Variants in LINGO2 observed in about 807,000 individuals in gnomAD.
LINGO2 encodes leucine-rich repeat and immunoglobulin-like domain-containing nogo receptor-interacting protein 2.
Under a neutral mutation model 30.6 loss-of-function variants are expected in LINGO2, and 14 were observed. That is an observed-to-expected ratio of 0.46 (90% CI 0.30 to 0.72). The LOEUF is 0.72. LINGO2 is among the 30% of genes least tolerant of loss of function. The probability of loss-of-function intolerance (pLI) is 0.07; values close to 1 mark genes in which losing one functional copy is unlikely to be tolerated. For missense variants in LINGO2, 729 were observed against 751.7 expected (o/e 0.97, Z 0.35); for synonymous variants, 317 against 288.5 (o/e 1.10, Z -1.00).
intron 4 of LINGO2, among the ~76,000 whole-genome samples, chr9:28,281,001 G>A (rs569229433): frequency 1.3e-5 from 2 of 152,176 alleles, no homozygotes; most frequent in South Asian, 4.1e-4. Context: ...TATTTATTAT[G>A]ATCATTTGTA....
intron 2 of LINGO2, among the ~76,000 whole-genome samples, chr9:28,383,506 G>A (rs567853341): frequency 2.0e-5 from 3 of 152,122 alleles, no homozygotes; most frequent in Admixed American, 2.0e-4. Flanking sequence ...TCTAGAGAGT[G>A]GGCAGTCAAA....
chr9:28,146,909 C>A (rs982478363), intron 4 of LINGO2, among the ~76,000 whole-genome samples: 3 of 152,188 alleles, frequency 2.0e-5, no homozygotes, highest in African/African-American at 7.2e-5. Context: ...ATGGAATAAT[C>A]CACTGGCAAA....
chr9:28,301,269 C>T (rs779821614), intron 3 of LINGO2, among the ~76,000 whole-genome samples: 24 of 152,150 alleles, frequency 1.6e-4, no homozygotes, highest in Non-Finnish European at 1.3e-4. Flanking sequence ...AGTTTGAGAT[C>T]CTCCTTTGTA....
intron 3 of LINGO2, among the ~76,000 whole-genome samples, chr9:28,359,926 A>T (rs933622104): frequency 3.3e-5 from 5 of 152,204 alleles, no homozygotes; most frequent in African/African-American, 1.2e-4. Flanking sequence ...AGCTGCAAGT[A>T]AATGACTGTA....
intron 2 of LINGO2, among the ~76,000 whole-genome samples, chr9:28,394,029 C>G (rs1400504916): frequency 6.6e-6 from 1 of 151,810 alleles, no homozygotes; most frequent in Non-Finnish European, 1.5e-5. Context: ...ATTCCCCTAT[C>G]AGTGTTTTTT....
the LINGO2 span, among the ~76,000 whole-genome samples, chr9:29,195,621 T>C: frequency 6.6e-6 from 1 of 152,114 alleles, no homozygotes; most frequent in Admixed American, 6.5e-5. Context: ...AATCATTGCT[T>C]AATAGCTAAT....
intron 4 of LINGO2, among the ~76,000 whole-genome samples, chr9:28,202,291 C>A (rs1820264751): frequency 6.6e-6 from 1 of 152,194 alleles, no homozygotes; most frequent in South Asian, 2.1e-4. Context: ...CAACCCATAA[C>A]CCTCTCTTTG....
At chr9:28,299,422 T>G (rs1824050719) in intron 3 of LINGO2, among the ~76,000 whole-genome samples, 1 of 151,622 alleles carries the variant, frequency 6.6e-6, no homozygotes, top group African/African-American at 2.4e-5. Context: ...TTTGGCCATT[T>G]ATTATTCACA....
the LINGO2 span, among the ~76,000 whole-genome samples, chr9:29,157,332 T>C: frequency 2.4e-3 from 363 of 152,312 alleles, 1 homozygote; most frequent in Non-Finnish European, 4.4e-3. Context: ...CTGTTCTGTA[T>C]AGTCAACCTC....
chr9:28,544,403 T>A lies in LINGO2; in HGVS notation c.-364-68378A>T, dbSNP rs1179997268. Among the ~76,000 whole-genome samples, 4 of 152,066 alleles carry A rather than the reference T, an allele frequency of 2.6e-5. No homozygotes were observed. In the East Asian group the frequency reaches 7.7e-4, roughly 29 times the overall value. ...TGACTTTCACTTAGTTGGTGCTGGT[T>A]AACAGTATCTTTTCCCTGGCCTTTG... On this transcript the variant is annotated intron_variant, in intron 1 of 5. Transcript: ENST00000379992.
At position 28,049,260 on chromosome 9, in the gene LINGO2, G is replaced by C. The variant is rs573459070; in HGVS notation, c.-86-36855C>G. Among the ~76,000 whole-genome samples, 4 of 150,774 alleles carry C rather than the reference G, an allele frequency of 2.7e-5. 1 individual carries two copies. Among genetic ancestry groups the C allele is most frequent in the African/African-American group, 9.8e-5 (4 of 40,796 alleles). On this transcript the variant is annotated intron_variant, in intron 4 of 5. Transcript: ENST00000379992. ...TTCTGGCTGTCTTTTGTATATACAA[G>C]AATAACCCAATATATCTCAGCCCTG...
chr9:28,051,461 T>C (rs1039216544), intron 4 of LINGO2, among the ~76,000 whole-genome samples: 1 of 152,260 alleles, frequency 6.6e-6, no homozygotes, highest in Non-Finnish European at 1.5e-5. Context: ...ACCAAGTGTA[T>C]GCACATCAAA....
the LINGO2 span, among the ~76,000 whole-genome samples, chr9:28,712,402 C>A: frequency 1.7e-4 from 26 of 151,562 alleles, no homozygotes; most frequent in Middle Eastern, 6.8e-3. Context: ...CATAGTTTTA[C>A]AAAGCATCTT....
the LINGO2 span, among the ~76,000 whole-genome samples, chr9:28,914,359 T>C: frequency 6.6e-6 from 1 of 152,188 alleles, no homozygotes; most frequent in Non-Finnish European, 1.5e-5. Context: ...ATGGACTTTA[T>C]GTGTGGGATT....
the LINGO2 span, among the ~76,000 whole-genome samples, chr9:28,844,187 C>A: frequency 5.3e-5 from 8 of 151,776 alleles, no homozygotes; most frequent in Admixed American, 1.3e-4. Flanking sequence ...CATGGTGAAA[C>A]CCCATCTCTA....
At chr9:28,201,806 C>T (rs1440971756) in intron 4 of LINGO2, among the ~76,000 whole-genome samples, 2 of 151,922 alleles carry the variant, frequency 1.3e-5, no homozygotes, top group African/African-American at 4.8e-5. Flanking sequence ...TGCTCTTTCT[C>T]CTCCCCTTCC....
intron 2 of LINGO2, among the ~76,000 whole-genome samples, chr9:28,458,694 C>A (rs1824950982): frequency 6.6e-6 from 1 of 152,026 alleles, no homozygotes; most frequent in Admixed American, 6.6e-5. Flanking sequence ...GCCTAATGAC[C>A]ACTGACAGGC....
chr9:29,148,887 T>G, the LINGO2 span, among the ~76,000 whole-genome samples: 4 of 152,210 alleles, frequency 2.6e-5, no homozygotes, highest in African/African-American at 9.6e-5. Context: ...CATAAAGCTA[T>G]AGGGCCAACT....
chr9:28,088,377 A>T (rs1825975354), intron 4 of LINGO2, among the ~76,000 whole-genome samples: 1 of 152,050 alleles, frequency 6.6e-6, no homozygotes, highest in Non-Finnish European at 1.5e-5. Context: ...TATGCCCTTT[A>T]GACTCTGGCC....
Sources: allele counts gnomAD v4.1 joint callset (sites outside exome capture counted in the v4.1 genomes callset), GRCh38; gene constraint gnomAD v4.1.1; transcripts MANE v1.5; gene names NCBI Gene and HGNC (gene_info 2026-07-23, HGNC 2026-07-21).